CYP4Z1: variants seen among roughly 807,000 people sequenced by gnomAD.
CYP4Z1 encodes the protein cytochrome P450 4Z1.
Under a neutral mutation model 54.2 loss-of-function variants are expected in CYP4Z1, and 41 were observed. The ratio of observed to expected loss-of-function variants is 0.76; its 90% CI spans 0.59 to 0.98. The LOEUF is 0.98. Among genes scored for constraint, CYP4Z1 ranks in the 50% least tolerant of loss-of-function variants. CYP4Z1 has a pLI of 0.00. For synonymous variants in CYP4Z1, 163 were observed against 206.2 expected, an observed-to-expected ratio of 0.79 and a Z score of 1.79; for missense variants, 513 against 599.0, an observed-to-expected ratio of 0.86 and a Z score of 1.50.
Position 47,099,197 on chromosome 1 carries a change from T to C in CYP4Z1, c.980T>C (p.Leu327Pro). The stretch of plus-strand genomic sequence containing the variant: ...ACATCCAGTGCTATCTCCTGGATCC[T>C]TTACTGCTTGGCAAAGTACCCTGAG... The part of the protein sequence containing the change: ...DTTSSAISWI[L>P]YCLAKYPEHQ... Residue 327 changes from leucine (L) to proline (P), a missense_variant, in exon 8 of 12, where the codon CTT becomes CCT. Coordinates refer to ENST00000334194, the MANE Select transcript of CYP4Z1 (RefSeq NM_178134.3). 5.6e-6 allele frequency: 9 copies of C among 1,614,008 alleles called. No homozygotes were observed. Among genetic ancestry groups the C allele is most frequent in the South Asian group, 5.5e-5 (5 of 91,076 alleles).
intron 9 of CYP4Z1, among the ~76,000 whole-genome samples, chr1:47,112,799 A>C (rs7512729): frequency 0.43 from 64,737 of 151,664 alleles, 15,138 homozygotes; most frequent in East Asian, 0.96. Context: ...TCCAAAACTG[A>C]AAAGATTGTT....
chr1:47,096,558 A>G (rs865888206), intron 7 of CYP4Z1: 10 of 151,870 alleles, frequency 6.6e-5, no homozygotes, highest in Admixed American at 2.6e-4. Context: ...ATAGGTAAAC[A>G]TGTGCCATAG....
In CYP4Z1 at chr1:47,117,986, A is replaced by C; in HGVS notation, c.*52A>C. The stretch of plus-strand genomic sequence containing the variant: ...ATGAGACAATTTTCCTACCAAAGGA[A>C]GAACAAAAGGATAAATATAATACAA... On this transcript the variant is annotated 3_prime_UTR_variant, in exon 12 of 12. Transcript: ENST00000334194. The C allele has an allele frequency of 6.5e-7, 1 of 1,549,288 alleles. No individual in the cohort carries two copies. The highest frequency in any genetic ancestry group is 8.8e-7 in the Non-Finnish European group (1 of 1,130,406).
At position 47,117,810 on chromosome 1, in the gene CYP4Z1, C is replaced by T; in HGVS notation, c.1394C>T (p.Ala465Val). ...TTTGCCATAATTGAGTGTAAAGTGG[C>T]AGTGGCATTAACTCTGCTCCGCTTC... ...QHFAIIECKV[A>V]VALTLLRFKL... Residue 465 changes from alanine to valine, a missense_variant, in exon 12 of 12, where the codon GCA becomes GTA. Transcript: ENST00000334194. The T allele has an allele frequency of 6.2e-7, 1 of 1,613,648 alleles. No homozygotes were observed. The highest frequency in any genetic ancestry group is 8.5e-7 in the Non-Finnish European group (1 of 1,179,762).
rs200729848 is a variant in CYP4Z1 at position 47,084,737 on chromosome 1, T to A, written c.610T>A (p.Leu204Met). The change falls in exon 5 of 12, where the codon TTG becomes ATG. Residue 204 changes from leucine to methionine, a missense_variant. Transcript: ENST00000334194. ...CTTCAGCCACCAGGGCAGCATCCAG[T>A]TGGACAGGTCAGTGACAAAAGGAAG... ...CAFSHQGSIQLDSTLDSYLKA... is the reference protein window; with the variant it reads ...CAFSHQGSIQMDSTLDSYLKA... 2 of 1,613,370 alleles carry A rather than the reference T, an allele frequency of 1.2e-6. No homozygotes were observed. Among genetic ancestry groups the A allele is most frequent in the South Asian group, 2.2e-5 (2 of 90,998 alleles).
upstream of CYP4Z1, among the ~76,000 whole-genome samples, chr1:47,063,506 A>G (rs996426951): frequency 5.9e-5 from 9 of 152,034 alleles, no homozygotes; most frequent in Middle Eastern, 3.2e-3. Flanking sequence ...ACAGGATATG[A>G]AAGGAAAATT....
At chr1:47,066,406 T>TA (rs1441126659), upstream of CYP4Z1, among the ~76,000 whole-genome samples, 2 of 151,996 alleles carry the variant, frequency 1.3e-5, no homozygotes. Flanking sequence ...TAAACAGAAT[T>TA]AAAAACAAAA....
upstream of CYP4Z1, among the ~76,000 whole-genome samples, chr1:47,063,491 A>C (rs1644434561): frequency 6.6e-6 from 1 of 152,112 alleles, no homozygotes; most frequent in African/African-American, 2.4e-5. Context: ...AATCAAAAAC[A>C]TGATACAGGA....
At chr1:47,082,590 G>T (rs1644562976) in intron 4 of CYP4Z1, 129 bp downstream of exon 4, 1 of 1,339,752 alleles carries the variant, frequency 7.5e-7, no homozygotes, top group East Asian at 2.4e-5. Flanking sequence ...TTGATGTTTA[G>T]ACCATGACCA....
intron 10 of CYP4Z1, 38 bp downstream of exon 10, chr1:47,115,631 T>A (rs774643365): frequency 5.2e-5 from 82 of 1,576,630 alleles, no homozygotes; most frequent in Non-Finnish European, 6.7e-5. Context: ...GCATCTAAGA[T>A]AGCACCAAGA....
chr1:47,085,025 A>G (rs1459168081), intron 6 of CYP4Z1, 47 bp downstream of exon 6: 1 of 717,134 alleles, frequency 1.4e-6, no homozygotes, highest in East Asian at 2.8e-5. Flanking sequence ...GAGACATCTC[A>G]TTGTCTGAGA....
chr1:47,105,921 G>C lies in CYP4Z1; in HGVS notation c.1068-207G>C, dbSNP rs540783085. On this transcript the variant is annotated intron_variant, in intron 8 of 11. Coordinates refer to ENST00000334194, the MANE Select transcript of CYP4Z1 (RefSeq NM_178134.3). ...CAGGATAAGAGCCCTATATCTGCGG[G>C]GGGGGGAGAATCACTTACAGTTACA... Among the ~76,000 whole-genome samples the C allele has an allele frequency of 2.6e-3, 140 of 54,126 alleles. 1 individual carries two copies. The highest frequency in any genetic ancestry group is 2.0e-3 in the Non-Finnish European group (60 of 29,408). 35.5% of individuals were successfully genotyped at this position (54,126 alleles called of 152,430 possible).
At chr1:47,086,061 T>C (rs897251327) in intron 6 of CYP4Z1, among the ~76,000 whole-genome samples, 1 of 152,122 alleles carries the variant, frequency 6.6e-6, no homozygotes, top group South Asian at 2.1e-4. Flanking sequence ...CCATGGTGTA[T>C]ATGTGCCACA....
Position 47,091,203 on chromosome 1 carries a change from AGGG to A in CYP4Z1, c.773-3361_773-3359del, listed in dbSNP as rs1644636118. On this transcript the variant is annotated intron_variant, in intron 6 of 11. Transcript: ENST00000334194. The stretch of plus-strand genomic sequence containing the variant: ...GAGAAGTGGCCTATTTTATTTCTGC[AGGG>A]GAATACTGGGATTTAATTTCTCTTA... 1.4e-5 allele frequency among the ~76,000 whole-genome samples: 2 copies of A among 140,988 alleles called. 1 individual carries two copies. The highest frequency in any genetic ancestry group is 3.0e-5 in the Non-Finnish European group (2 of 67,020). 92.5% of individuals were successfully genotyped at this position (140,988 alleles called of 152,430 possible). A position where few individuals can be genotyped will look rare whatever the true frequency, so the allele number is the denominator to read the frequency against.
intron 6 of CYP4Z1, among the ~76,000 whole-genome samples, chr1:47,088,572 A>T: frequency 1.4e-5 from 2 of 146,276 alleles, no homozygotes; most frequent in African/African-American, 2.5e-5. Context: ...CGTCTATTTG[A>T]TTCTTCAAAT....
chr1:47,109,186 G>C (rs1644776558), intron 9 of CYP4Z1, among the ~76,000 whole-genome samples: 1 of 152,322 alleles, frequency 6.6e-6, no homozygotes, highest in South Asian at 2.1e-4. Flanking sequence ...AAAGTGAAAA[G>C]AATGGAAGGA....
the CYP4Z1 span, among the ~76,000 whole-genome samples, chr1:47,058,673 T>TA: frequency 6.6e-6 from 1 of 152,228 alleles, no homozygotes; most frequent in Non-Finnish European, 1.5e-5. Context: ...ACCACACCTG[T>TA]AAACACATGT....
intron 6 of CYP4Z1, among the ~76,000 whole-genome samples, chr1:47,087,251 TG>T (rs1253831427): frequency 1.3e-5 from 2 of 152,198 alleles, no homozygotes; most frequent in Non-Finnish European, 2.9e-5. Context: ...GGTAGCTTGA[TG>T]GGGATGGCAT....
At chr1:47,082,074 A>G (rs1417184728) in intron 3 of CYP4Z1, among the ~76,000 whole-genome samples, 2 of 150,898 alleles carry the variant, frequency 1.3e-5, no homozygotes, top group African/African-American at 4.9e-5. Flanking sequence ...CTAAATTTGA[A>G]CTCTTATCAA....
Sources: allele counts gnomAD v4.1 joint callset (sites outside exome capture counted in the v4.1 genomes callset), GRCh38; gene constraint gnomAD v4.1.1; transcripts MANE v1.5; gene names NCBI Gene and HGNC (gene_info 2026-07-23, HGNC 2026-07-21).